The following RBFOX3 variants were observed in gnomAD, a reference collection of about 807,000 sequenced individuals.
The protein encoded by RBFOX3 is RNA binding protein fox-1 homolog 3.
Under a neutral mutation model 48.7 loss-of-function variants are expected in RBFOX3, and 17 were observed. The ratio of observed to expected loss-of-function variants is 0.35; its 90% CI spans 0.24 to 0.52. The LOEUF (loss-of-function observed/expected upper bound fraction) is 0.52, where lower values mean the gene tolerates loss of function less well. Among genes scored for constraint, RBFOX3 ranks in the 20% least tolerant of loss-of-function variants. The pLI, the probability that RBFOX3 is intolerant of heterozygous loss-of-function variation, is 0.94. For missense variants in RBFOX3, 382 were observed against 497.5 expected (o/e 0.77, Z 2.21); for synonymous variants, 212 against 209.5 (o/e 1.01, Z -0.10).
chr17:79,307,916 T>C (rs1026455001), intron 2 of RBFOX3, 92 bp from the exon 3 acceptor site: 3 of 153,658 alleles, frequency 2.0e-5, no homozygotes, highest in Non-Finnish European at 4.4e-5. Context: ...GCACTCTTGA[T>C]TGAAAATATT....
intron 3 of RBFOX3, among the ~76,000 whole-genome samples, chr17:79,306,298 G>A (rs2076085752): frequency 6.6e-6 from 1 of 152,232 alleles, no homozygotes. Flanking sequence ...CCCGGCCCAC[G>A]GCACTCAGCA....
rs114745557 is a variant in RBFOX3, at chr17:79,212,799, C to A, written c.-34+22967G>T. Among the ~76,000 whole-genome samples, 2,070 of 152,152 alleles carry A rather than the reference C, an allele frequency of 0.014. 49 individuals carry two copies. Among genetic ancestry groups the A allele is most frequent in the African/African-American group, 0.048 (1,978 of 41,506 alleles). On this transcript the variant is annotated intron_variant, in intron 4 of 14. Coordinates refer to ENST00000693108, the MANE Select transcript of RBFOX3 (RefSeq NM_001350451.2). This position sits in a 1 kb window ranked among gnomAD's most constrained non-coding sequence, Gnocchi z 4.7. The stretch of plus-strand genomic sequence containing the variant: ...TGCCTGGCTCTAAACAGAAGCCAGG[C>A]CCATTCTCTCCCTTAGGGGACCCAG...
chr17:79,595,462 C>T (rs995805071), intron 1 of RBFOX3, among the ~76,000 whole-genome samples: 3 of 152,246 alleles, frequency 2.0e-5, no homozygotes, highest in Non-Finnish European at 4.4e-5. Flanking sequence ...ATCACACTGA[C>T]GGTTCTGCCG....
chr17:79,372,008 C>T (rs142912374), intron 2 of RBFOX3, among the ~76,000 whole-genome samples: 166 of 152,236 alleles, frequency 1.1e-3, no homozygotes, highest in African/African-American at 3.6e-3. Context: ...TCCCCGCAGA[C>T]GCTTCAGTTA....
chr17:79,160,487 C>T (rs976847906), intron 4 of RBFOX3, among the ~76,000 whole-genome samples: 1 of 152,174 alleles, frequency 6.6e-6, no homozygotes, highest in African/African-American at 2.4e-5. Context: ...GTATGTGGGG[C>T]GGTCACAAGC....
At chr17:79,620,498 CACACACAT>C in the RBFOX3 span, among the ~76,000 whole-genome samples, 3 of 149,944 alleles carry the variant, frequency 2.0e-5, no homozygotes, top group Admixed American at 6.6e-5. Context: ...CACACACGCG[CACACACAT>C]GCGCATACGT....
intron 3 of RBFOX3, among the ~76,000 whole-genome samples, chr17:79,266,855 A>G (rs1222694366): frequency 6.6e-6 from 1 of 151,740 alleles, no homozygotes; most frequent in East Asian, 2.0e-4. Flanking sequence ...GTGCCTGGAG[A>G]GTGATGGGGT....
chr17:79,544,504 G>A (rs914210263), intron 1 of RBFOX3, among the ~76,000 whole-genome samples: 4 of 151,960 alleles, frequency 2.6e-5, no homozygotes, highest in African/African-American at 4.8e-5. Flanking sequence ...GAAACAAAGC[G>A]CAGAAGGATC....
chr17:79,577,230 C>T (rs2092893199), intron 1 of RBFOX3, among the ~76,000 whole-genome samples: 1 of 152,126 alleles, frequency 6.6e-6, no homozygotes, highest in Non-Finnish European at 1.5e-5. Flanking sequence ...GCTAGATTTC[C>T]GACAATTCTG....
chr17:79,339,475 G>C (rs2081715617), intron 2 of RBFOX3, among the ~76,000 whole-genome samples: 1 of 152,240 alleles, frequency 6.6e-6, no homozygotes, highest in Non-Finnish European at 1.5e-5. Context: ...TCAGTAGAAA[G>C]ACAGATTCTC....
At chr17:79,142,458 C>T (rs994472234) in intron 4 of RBFOX3, among the ~76,000 whole-genome samples, 11 of 152,152 alleles carry the variant, frequency 7.2e-5, no homozygotes, top group African/African-American at 2.2e-4. Flanking sequence ...CATCCTAAGC[C>T]GCCCCTTCTC....
intron 2 of RBFOX3, among the ~76,000 whole-genome samples, chr17:79,339,058 C>G (rs1308346869): frequency 7.4e-6 from 1 of 135,310 alleles, no homozygotes; most frequent in Non-Finnish European, 1.7e-5. Context: ...GCTTTCTTTT[C>G]TTTTCTTTTT....
chr17:79,516,508 C>T (rs1832261979), intron 1 of RBFOX3, among the ~76,000 whole-genome samples: 1 of 152,244 alleles, frequency 6.6e-6, no homozygotes, highest in Non-Finnish European at 1.5e-5. Flanking sequence ...CCCAGAGGGG[C>T]TCCAGGCCTT....
chr17:79,620,652 CATGCACACACGCACAT>C, the RBFOX3 span, among the ~76,000 whole-genome samples: 2 of 2,566 alleles, frequency 7.8e-4, no homozygotes, highest in Non-Finnish European at 2.0e-3. Flanking sequence ...CACACACGGA[CATGCACACACGCACAT>C]GCACACACGC....
At chr17:79,491,504 G>A (rs868980612) in intron 1 of RBFOX3, among the ~76,000 whole-genome samples, 304 of 152,106 alleles carry the variant, frequency 2.0e-3, no homozygotes, top group African/African-American at 6.9e-3. Context: ...AATGGCCTAC[G>A]GAAGGGCGGA....
At chr17:79,280,157 ACACACG>A (rs1036120568) in intron 3 of RBFOX3, among the ~76,000 whole-genome samples, 1 of 127,440 alleles carries the variant, frequency 7.8e-6, no homozygotes, top group African/African-American at 2.7e-5. Flanking sequence ...GCGTGCACAC[ACACACG>A]CACACACCAC....
chr17:79,555,514 G>GTAGTTGTGA (rs2091625707), intron 1 of RBFOX3, among the ~76,000 whole-genome samples: 1 of 49,344 alleles, frequency 2.0e-5, no homozygotes, highest in African/African-American at 9.6e-5. Flanking sequence ...GGTGGTGATG[G>GTAGTTGTGA]TGGTGGTGAT....
chr17:79,197,147 TG>T (rs139526173), intron 4 of RBFOX3, among the ~76,000 whole-genome samples: 2,160 of 139,180 alleles, frequency 0.016, 28 homozygotes, highest in Non-Finnish European at 0.021. Flanking sequence ...CACCAGTTCC[TG>T]TGAGCTGTGA....
At chr17:79,463,685 A>T (rs2075881368) in intron 2 of RBFOX3, among the ~76,000 whole-genome samples, 1 of 50,878 alleles carries the variant, frequency 2.0e-5, no homozygotes. Context: ...TGCCATTGCC[A>T]CTGCCACTGC....
Sources: gnomAD v4.1 joint callset for allele counts (sites outside exome capture counted in the v4.1 genomes callset) on GRCh38, gnomAD v4.1.1 for gene constraint, Gnocchi (gnomAD v3.1) non-coding constraint, MANE v1.5 for transcripts, NCBI Gene and HGNC (gene_info 2026-07-23, HGNC 2026-07-21) for gene names.